VPS13B: variants seen among roughly 807,000 people sequenced by gnomAD.
VPS13B encodes the protein vacuolar protein sorting 13 homolog B, also known as intermembrane lipid transfer protein VPS13B.
In VPS13B, 285 loss-of-function variants were observed where a neutral mutation model predicts 426.4. That is an observed-to-expected ratio of 0.67 (90% CI 0.61 to 0.74). The LOEUF (loss-of-function observed/expected upper bound fraction) is 0.74, where lower values mean the gene tolerates loss of function less well. Among genes scored for constraint, VPS13B ranks in the 30% least tolerant of loss-of-function variants. The pLI is 0.00. For missense variants in VPS13B, 4,537 were observed against 4,782.6 expected, an observed-to-expected ratio of 0.95 and a Z score of 1.51; for synonymous variants, 1,676 against 1,676.4, an observed-to-expected ratio of 1.00 and a Z score of 0.01.
chr8:99,308,265 G>T (rs1049673298), intron 19 of VPS13B, among the ~76,000 whole-genome samples: 8 of 151,470 alleles, frequency 5.3e-5, no homozygotes, highest in East Asian at 3.9e-4. Flanking sequence ...GCACCACGTC[G>T]GTGTGCTGCA....
At position 99,489,511 on chromosome 8, in the gene VPS13B, G is replaced by A. The variant is rs573809144; in HGVS notation, c.3870+7709G>A. Among the ~76,000 whole-genome samples the A allele has an allele frequency of 1.9e-3, 296 of 152,104 alleles. 2 individuals are homozygous for A. The highest frequency in any genetic ancestry group is 6.9e-3 in the African/African-American group (288 of 41,496). On this transcript the variant is annotated intron_variant, in intron 25 of 61. Transcript: ENST00000357162. ...CCTTGGGCAGTATGGCCATTTTCAC[G>A]ATATTGATTCTTCCTATCCATGAAT...
chr8:99,652,865 T>G (rs1472776236), intron 34 of VPS13B, among the ~76,000 whole-genome samples: 1 of 152,202 alleles, frequency 6.6e-6, no homozygotes, highest in East Asian at 1.9e-4. Flanking sequence ...ATAAAATTAT[T>G]ACTTTGACAG....
intron 30 of VPS13B, among the ~76,000 whole-genome samples, chr8:99,524,554 A>G (rs1213486796): frequency 6.6e-6 from 1 of 152,192 alleles, no homozygotes; most frequent in Non-Finnish European, 1.5e-5. Flanking sequence ...CCCTTTGGAA[A>G]GCTTTACGTG....
At chr8:99,025,655 T>G (rs1842098002) in intron 2 of VPS13B, among the ~76,000 whole-genome samples, 1 of 152,108 alleles carries the variant, frequency 6.6e-6, no homozygotes, top group Non-Finnish European at 1.5e-5. Context: ...TTTCAAAAGT[T>G]TAGTGGAATT....
chr8:99,860,094 C>T (rs1170948967), intron 57 of VPS13B, among the ~76,000 whole-genome samples: 3 of 152,174 alleles, frequency 2.0e-5, no homozygotes, highest in Admixed American at 2.0e-4. Context: ...TAACAAGGGC[C>T]ATCTGAGTCC....
chr8:99,355,797 A>G (rs1425113683), intron 19 of VPS13B, among the ~76,000 whole-genome samples: 1 of 152,136 alleles, frequency 6.6e-6, no homozygotes, highest in Non-Finnish European at 1.5e-5. Flanking sequence ...GTGACCACTC[A>G]ATATTAATAT....
intron 29 of VPS13B, among the ~76,000 whole-genome samples, chr8:99,512,723 C>A (rs1237062691): frequency 2.0e-5 from 3 of 152,056 alleles, no homozygotes; most frequent in African/African-American, 7.2e-5. Flanking sequence ...TTAATAAAGA[C>A]CATGGGCTGG....
At chr8:99,640,231 T>C (rs1438511177) in intron 33 of VPS13B, among the ~76,000 whole-genome samples, 1 of 151,964 alleles carries the variant, frequency 6.6e-6, no homozygotes, top group Non-Finnish European at 1.5e-5. Flanking sequence ...ACTTTAAACT[T>C]TTTCGTACCA....
At chr8:99,382,783 T>C (rs1466573970) in intron 19 of VPS13B, among the ~76,000 whole-genome samples, 1 of 152,204 alleles carries the variant, frequency 6.6e-6, no homozygotes, top group Non-Finnish European at 1.5e-5. Flanking sequence ...TGGCTTTCTC[T>C]CTTCCTATCT....
chr8:99,506,424 G>A (rs925557545), intron 27 of VPS13B, among the ~76,000 whole-genome samples: 7 of 152,100 alleles, frequency 4.6e-5, no homozygotes, highest in African/African-American at 7.2e-5. Context: ...GTATTATGTT[G>A]TACTTTATCC....
chr8:99,180,193 G>T (rs1812871211), intron 16 of VPS13B, among the ~76,000 whole-genome samples: 1 of 151,994 alleles, frequency 6.6e-6, no homozygotes, highest in Non-Finnish European at 1.5e-5. Flanking sequence ...TATTTTGTTT[G>T]TTTGCTACCA....
At chr8:99,014,106 C>CTTTTTTTTTT (rs1841466075) in intron 2 of VPS13B, among the ~76,000 whole-genome samples, 171 bp downstream of exon 2, 3 of 112,094 alleles carry the variant, frequency 2.7e-5, no homozygotes, top group African/African-American at 9.7e-5. Flanking sequence ...CTTTTTCTTT[C>CTTTTTTTTTT]TTTCTTTTTT....
chr8:99,443,911 TG>T (rs1817792086), intron 23 of VPS13B, among the ~76,000 whole-genome samples: 1 of 152,182 alleles, frequency 6.6e-6, no homozygotes, highest in Non-Finnish European at 1.5e-5. Flanking sequence ...CCAAACTGTC[TG>T]CACCATTTTA....
At chr8:99,644,851 T>C (rs1371759132) in intron 34 of VPS13B, among the ~76,000 whole-genome samples, 1 of 152,146 alleles carries the variant, frequency 6.6e-6, no homozygotes, top group African/African-American at 2.4e-5. Flanking sequence ...CAACTAGCAT[T>C]TATTGAGTGA....
In VPS13B at chr8:99,442,505, T is replaced by C. The variant is rs2133440745; in HGVS notation, c.3315T>C (p.His1105=). Residue 1105 remains histidine, a synonymous_variant, in exon 23 of 62, where the codon CAT becomes CAC. Coordinates refer to ENST00000357162, the MANE Select transcript of VPS13B (RefSeq NM_152564.5). ...DIPGTVRSWY[H]GQTSMPGTLV... is the part of the protein sequence containing the mutation. The stretch of plus-strand genomic sequence containing the variant: ...CTGGAACAGTAAGAAGTTGGTACCA[T>C]GGACAAACCAGCATGCCGGGAACAC... The C allele has an allele frequency of 1.9e-6, 3 of 1,613,996 alleles. No individual in the cohort carries two copies. Among genetic ancestry groups the C allele is most frequent in the Non-Finnish European group, 2.5e-6 (3 of 1,179,920 alleles).
chr8:99,158,327 G>A (rs1176746824), intron 15 of VPS13B, among the ~76,000 whole-genome samples: 2 of 152,110 alleles, frequency 1.3e-5, no homozygotes, highest in Non-Finnish European at 2.9e-5. Flanking sequence ...AAGGTCAGGA[G>A]ATCGACCAGC....
chr8:99,391,412 G>A (rs1814441188), intron 20 of VPS13B, 145 bp from the exon 21 acceptor site: 2 of 1,279,344 alleles, frequency 1.6e-6, no homozygotes, highest in African/African-American at 3.0e-5. Flanking sequence ...AGATGAGGGA[G>A]GGAGAGATTG....
At chr8:99,596,267 G>A (rs1428147077) in intron 33 of VPS13B, among the ~76,000 whole-genome samples, 1 of 151,800 alleles carries the variant, frequency 6.6e-6, no homozygotes, top group African/African-American at 2.4e-5. Context: ...TAGCTAAGAC[G>A]TGGTACTTCT....
intron 3 of VPS13B, among the ~76,000 whole-genome samples, chr8:99,076,612 C>CTTTT (rs71273161): frequency 7.1e-4 from 99 of 139,740 alleles, no homozygotes; most frequent in African/African-American, 2.5e-3. Context: ...ATGACTTTGT[C>CTTTT]TTTTTTTTTT....
Sources: gnomAD v4.1 joint callset for allele counts (sites outside exome capture counted in the v4.1 genomes callset) on GRCh38, gnomAD v4.1.1 for gene constraint, MANE v1.5 for transcripts, NCBI Gene and HGNC (gene_info 2026-07-23, HGNC 2026-07-21) for gene names.